The following METAP2 variants were observed in gnomAD, a reference collection of about 807,000 sequenced individuals.
METAP2 encodes methionine aminopeptidase 2.
Under a neutral mutation model 59.4 loss-of-function variants are expected in METAP2, and 25 were observed. That is an observed-to-expected ratio of 0.42 (90% CI 0.31 to 0.59). METAP2 has a LOEUF of 0.59. Ranked by LOEUF, METAP2 falls within the 20% of genes least tolerant of loss-of-function variation. The probability of loss-of-function intolerance (pLI) is 0.16; values close to 1 mark genes in which losing one functional copy is unlikely to be tolerated. For synonymous variants in METAP2, 214 were observed against 194.1 expected (o/e 1.10, Z -0.85); for missense variants, 366 against 581.2 (o/e 0.63, Z 3.81).
chr12:95,487,935 T>G (rs1300764218), intron 4 of METAP2, among the ~76,000 whole-genome samples: 3 of 152,158 alleles, frequency 2.0e-5, no homozygotes, highest in Non-Finnish European at 4.4e-5. Context: ...CTGCAATAAT[T>G]TTTGCCACTA....
intron 1 of METAP2, among the ~76,000 whole-genome samples, chr12:95,475,540 TTA>T (rs2140134948): frequency 6.6e-6 from 1 of 152,382 alleles, no homozygotes; most frequent in Admixed American, 6.5e-5. Flanking sequence ...CATATTGCTC[TTA>T]TAGGTAGGTT....
At chr12:95,482,042 C>G in intron 2 of METAP2, 1 of 379,340 alleles carries the variant, frequency 2.6e-6, no homozygotes, top group South Asian at 1.9e-5. Context: ...TATAATTTTT[C>G]GTGTGCCTTT....
Position 95,494,156 on chromosome 12 carries a change from C to A in METAP2, c.529C>A (p.Arg177=). ...TTTTCGAGAAGCTGCAGAAGCACAT[C>A]GACAAGTTAGAAAATACGTAATGAG... The part of the protein sequence containing the change: ...NDFREAAEAH[R]QVRKYVMSWI... The change falls in exon 5 of 11, where the codon CGA becomes AGA. Residue 177 remains arginine, a synonymous_variant. Transcript: ENST00000323666. 9.3e-6 allele frequency: 15 copies of A among 1,613,918 alleles called. No homozygotes were observed. The highest frequency in any genetic ancestry group is 1.3e-5 in the Non-Finnish European group (15 of 1,179,932).
intron 1 of METAP2, 106 bp from the exon 2 acceptor site, chr12:95,475,965 T>C (rs950114391): frequency 3.1e-6 from 2 of 655,084 alleles, no homozygotes; most frequent in African/African-American, 1.8e-5. Context: ...GTTTCTGTTT[T>C]TGTTTCCTGA....
In METAP2 at chr12:95,487,328, A is replaced by T. The variant is rs188789813; in HGVS notation, c.428+1347A>T. Among the ~76,000 whole-genome samples, 1,436 of 147,744 alleles carry T rather than the reference A, an allele frequency of 9.7e-3. 26 individuals are homozygous for T. The highest frequency in any genetic ancestry group is 0.033 in the African/African-American group (1,346 of 40,364). On this transcript the variant is annotated intron_variant, in intron 4 of 10. Coordinates refer to ENST00000323666, the MANE Select transcript of METAP2 (RefSeq NM_006838.4). Reference sequence around the variant, plus strand: ...CTGTAAAGACACCATTTTTTTTTTTAAAACATAGAAAAAAAGAAAGAACAT... The same window carrying T: ...CTGTAAAGACACCATTTTTTTTTTTTAAACATAGAAAAAAAGAAAGAACAT...
chr12:95,481,021 TAGATAGTGCAAGGCAGAGCTTAA>T (rs1438906488), intron 2 of METAP2, among the ~76,000 whole-genome samples: 1 of 152,248 alleles, frequency 6.6e-6, no homozygotes, highest in East Asian at 1.9e-4. Flanking sequence ...TTAATGTTTC[TAGATAGTGCAAGGCAGAGCTTAA>T]AAGCTTGAGA....
chr12:95,498,355 T>C (rs2076290699), intron 7 of METAP2, among the ~76,000 whole-genome samples: 1 of 152,226 alleles, frequency 6.6e-6, no homozygotes, highest in African/African-American at 2.4e-5. Flanking sequence ...GTATCAGATA[T>C]ATTATTTGAA....
rs754107637 is a variant in METAP2 at position 95,495,168 on chromosome 12, GCCT to G, written c.772+37_772+39del. 7 of 1,557,666 alleles carry G rather than the reference GCCT, an allele frequency of 4.5e-6. No homozygotes were observed. The South Asian group carries it at 4.7e-5, about 10-fold the overall frequency. ...ATTCTTGCAGAAAATTCCTACCCCA[GCCT>G]CCTCCTGAAAAACTAGTTTTTGTCT... is the stretch of plus-strand genomic sequence containing the variant. On this transcript the variant is annotated intron_variant, in intron 6 of 10. Coordinates refer to ENST00000323666, the MANE Select transcript of METAP2 (RefSeq NM_006838.4).
At chr12:95,491,944 A>T (rs1010195822) in intron 4 of METAP2, among the ~76,000 whole-genome samples, 1 of 151,906 alleles carries the variant, frequency 6.6e-6, no homozygotes, top group Non-Finnish European at 1.5e-5. Flanking sequence ...AGCTGGGACT[A>T]CAGGCATGTA....
chr12:95,475,976 G>A (rs906473475), intron 1 of METAP2, 95 bp from the exon 2 acceptor site: 2 of 714,830 alleles, frequency 2.8e-6, no homozygotes, highest in African/African-American at 3.6e-5. Context: ...TGTTTCCTGA[G>A]GAAAGGATTT....
chr12:95,503,062 G>A (rs1043587173), intron 7 of METAP2, among the ~76,000 whole-genome samples: 8 of 150,120 alleles, frequency 5.3e-5, no homozygotes, highest in African/African-American at 2.0e-4. Flanking sequence ...TGTTTTTTCA[G>A]GGATAGTTTC....
rs776508571 is a variant in METAP2 at position 95,474,231 on chromosome 12, C to T, written c.52C>T (p.Leu18=). ...CTCCGGGAGCCACCTGAATGGCGAC[C>T]TGGATCCAGACGACAGGGAAGAAGG... ...AASGSHLNGD[L]DPDDREEGAA... Residue 18 remains leucine (L), a synonymous_variant, in exon 1 of 11, where the codon CTG becomes TTG. Transcript: ENST00000323666. The T allele has an allele frequency of 8.1e-6, 13 of 1,614,100 alleles. No homozygotes were observed. In the African/African-American group the frequency reaches 1.5e-4, roughly 18 times the overall value.
chr12:95,487,414 G>A (rs1034296411), intron 4 of METAP2, among the ~76,000 whole-genome samples: 8 of 152,022 alleles, frequency 5.3e-5, no homozygotes, highest in African/African-American at 1.9e-4. Flanking sequence ...TAGGGAATAA[G>A]TGTAAAGTTC....
chr12:95,486,789 G>A (rs917976610), intron 4 of METAP2, among the ~76,000 whole-genome samples: 15 of 152,102 alleles, frequency 9.9e-5, no homozygotes, highest in Non-Finnish European at 1.6e-4. Context: ...GAGCCACTGC[G>A]CCCAGCCAAT....
chr12:95,484,443 A>G (rs899542886), intron 3 of METAP2, among the ~76,000 whole-genome samples: 2 of 152,080 alleles, frequency 1.3e-5, no homozygotes, highest in African/African-American at 4.8e-5. Flanking sequence ...TTTGGCTATA[A>G]GAAATAGTGT....
intron 4 of METAP2, among the ~76,000 whole-genome samples, chr12:95,489,278 A>G (rs930925105): frequency 2.0e-5 from 3 of 152,214 alleles, no homozygotes; most frequent in African/African-American, 7.2e-5. Context: ...GTAAACTTCA[A>G]AAACTTCCTT....
chr12:95,507,387 C>T (rs1476632805), intron 8 of METAP2, among the ~76,000 whole-genome samples: 1 of 152,238 alleles, frequency 6.6e-6, no homozygotes, highest in East Asian at 1.9e-4. Context: ...CAGGAAATTA[C>T]TTACCTGATG....
chr12:95,498,001 C>T (rs1283454279), intron 7 of METAP2, among the ~76,000 whole-genome samples: 5 of 151,450 alleles, frequency 3.3e-5, no homozygotes, highest in Non-Finnish European at 7.4e-5. Flanking sequence ...GGTGTGGTGG[C>T]GGGCGCCTGT....
At chr12:95,483,617 A>G (rs148409552) in intron 3 of METAP2, 2 of 174,750 alleles carry the variant, frequency 1.1e-5, no homozygotes, top group Admixed American at 6.2e-5. Flanking sequence ...ACTAATAATT[A>G]TTTATTAGTT....
Sources: allele counts gnomAD v4.1 joint callset (sites outside exome capture counted in the v4.1 genomes callset), GRCh38; gene constraint gnomAD v4.1.1; transcripts MANE v1.5; gene names NCBI Gene and HGNC (gene_info 2026-07-23, HGNC 2026-07-21).